The following ZC3H7B variants were observed in gnomAD, a reference collection of about 807,000 sequenced individuals.
ZC3H7B encodes the protein zinc finger CCCH domain-containing protein 7B.
ZC3H7B carries 35 observed loss-of-function variants against 116.0 expected under a neutral mutation model. That is an observed-to-expected ratio of 0.30 (90% CI 0.23 to 0.40). The LOEUF (loss-of-function observed/expected upper bound fraction) is 0.40, where lower values mean the gene tolerates loss of function less well. Ranked by LOEUF, ZC3H7B falls within the 10% of genes least tolerant of loss-of-function variation. The pLI is 1.00. For missense variants in ZC3H7B, 1,011 were observed against 1,321.5 expected, an observed-to-expected ratio of 0.77 and a Z score of 3.64; for synonymous variants, 502 against 545.6, an observed-to-expected ratio of 0.92 and a Z score of 1.11.
At chr22:41,314,855 G>A (rs977805250) in intron 1 of ZC3H7B, among the ~76,000 whole-genome samples, 1 of 140,076 alleles carries the variant, frequency 7.1e-6, no homozygotes, top group African/African-American at 2.6e-5. Context: ...TGATCTGCCC[G>A]CATCGGCCTC....
intron 17 of ZC3H7B, among the ~76,000 whole-genome samples, chr22:41,353,279 G>A (rs557089788): frequency 2.4e-4 from 36 of 152,296 alleles, no homozygotes; most frequent in African/African-American, 8.7e-4. Flanking sequence ...TTAGTGACTT[G>A]CCCAGGGGCA....
intron 7 of ZC3H7B, chr22:41,336,126 G>A (rs1446844855): frequency 6.6e-6 from 1 of 152,408 alleles, no homozygotes; most frequent in Non-Finnish European, 1.5e-5. Context: ...GAGAAAAAGG[G>A]GAGGGTGTTC....
chr22:41,349,358 G>A lies in ZC3H7B; in HGVS notation c.1948+57G>A, dbSNP rs1388693128. Reference sequence around the variant, plus strand: ...GTGACTCAGGTGAGGGGTAGGCGGCGCAGGTGAAGGGAGCGCAGGACTGAC... The same window carrying A: ...GTGACTCAGGTGAGGGGTAGGCGGCACAGGTGAAGGGAGCGCAGGACTGAC... On this transcript the variant is annotated intron_variant, in intron 16 of 22. Transcript: ENST00000352645. This position sits in a 1 kb window ranked among gnomAD's most constrained non-coding sequence, Gnocchi z 4.9. The A allele has an allele frequency of 2.3e-5, 37 of 1,593,236 alleles. No individual in the cohort carries two copies. The highest frequency in any genetic ancestry group is 1.7e-4 in the Middle Eastern group (1 of 5,824).
At position 41,339,124 on chromosome 22, in the gene ZC3H7B, A is replaced by G; in HGVS notation, c.749A>G (p.Asp250Gly). The change falls in exon 9 of 23, where the codon GAC becomes GGC. Residue 250 changes from aspartate to glycine, a missense_variant. Asp to Gly is a moderately conservative substitution (Grantham distance 94). Around this residue, in one of 5 missense-constraint regions of ZC3H7B, gnomAD observed 322 missense variants for 443.9 expected, o/e 0.73. Transcript: ENST00000352645. ...LDSSRTLPST[D>G]SLDDFSDGDV... ...AGCAGCAGGACCCTCCCCAGCACCG[A>G]CAGCCTGGATGACTTCTCAGACGGG... 6.2e-7 allele frequency: 1 copy of G among 1,612,690 alleles called. No homozygotes were observed. Among genetic ancestry groups the G allele is most frequent in the Admixed American group, 1.7e-5 (1 of 59,828 alleles).
rs369066210 is a variant in ZC3H7B at position 41,339,849 on chromosome 22, G to A, written c.850G>A (p.Val284Met). ...CCAGGGTGGCCTGTCTGGCAGCGGCGTGCCTAGTGAGTTGCCCCAGCTGAT... is the reference window on the plus strand; with the variant it reads ...CCAGGGTGGCCTGTCTGGCAGCGGCATGCCTAGTGAGTTGCCCCAGCTGAT... ...LVQGGLSGSGVPSELPQLIPV... is the reference protein window; with the variant it reads ...LVQGGLSGSGMPSELPQLIPV... The change falls in exon 10 of 23, where the codon GTG (valine) becomes ATG (methionine). Residue 284 changes from valine to methionine, a missense_variant. Physicochemically the swap from Val to Met is conservative, Grantham distance 21. This residue lies in a region of ZC3H7B where 322 missense variants were observed against 443.9 expected (regional missense o/e 0.73). Coordinates refer to ENST00000352645, the MANE Select transcript of ZC3H7B (RefSeq NM_017590.6). 5.2e-5 allele frequency: 84 copies of A among 1,610,068 alleles called. 1 individual carries two copies. Among genetic ancestry groups the A allele is most frequent in the Middle Eastern group, 3.3e-4 (2 of 6,060 alleles).
intron 1 of ZC3H7B, among the ~76,000 whole-genome samples, chr22:41,304,919 C>T (rs2036019759): frequency 6.6e-6 from 1 of 152,156 alleles, no homozygotes; most frequent in African/African-American, 2.4e-5. Flanking sequence ...CACCACCTTC[C>T]TCTCAGATAC....
rs767292506 is a variant in ZC3H7B, at chr22:41,327,172, T to C, written c.286-34T>C. 6.2e-7 allele frequency: 1 copy of C among 1,610,138 alleles called. No individual in the cohort carries two copies. Reference sequence around the variant, plus strand: ...GGCCTGGGGGAGGGAGGGTAACAGGTGTTGACCAGTGACCACATGCTCCTC... The same window carrying C: ...GGCCTGGGGGAGGGAGGGTAACAGGCGTTGACCAGTGACCACATGCTCCTC... On this transcript the variant is annotated intron_variant, in intron 4 of 22. Coordinates refer to ENST00000352645, the MANE Select transcript of ZC3H7B (RefSeq NM_017590.6). This position sits in a 1 kb window ranked among gnomAD's most constrained non-coding sequence, Gnocchi z 4.5.
chr22:41,338,309 A>G lies in ZC3H7B; in HGVS notation c.583-4A>G. The G allele has an allele frequency of 5.0e-6, 8 of 1,613,524 alleles. No homozygotes were observed. The South Asian group carries it at 6.6e-5, about 13-fold the overall frequency. ...ACAGCGCCACTGTGGCCCTCTCCCC[A>G]CAGGGAACTTCTAATGGATTGGGGT... On this transcript the variant is annotated splice_region_variant and splice_polypyrimidine_tract_variant and intron_variant, in intron 7 of 22. Coordinates refer to ENST00000352645, the MANE Select transcript of ZC3H7B (RefSeq NM_017590.6). This position sits in a 1 kb window ranked among gnomAD's most constrained non-coding sequence, Gnocchi z 4.5.
Position 41,357,698 on chromosome 22 carries a change from T to A in ZC3H7B, c.*269T>A. 3.8e-6 allele frequency: 2 copies of A among 530,914 alleles called. No individual in the cohort carries two copies. Among genetic ancestry groups the A allele is most frequent in the Non-Finnish European group, 6.8e-6 (2 of 296,250 alleles). The allele number at this position is 530,914 out of a possible 1,614,324, so 32.9% of individuals were successfully genotyped here. A position where few individuals can be genotyped will look rare whatever the true frequency, so the allele number is the denominator to read the frequency against. The stretch of plus-strand genomic sequence containing the variant: ...TCTCCTGGTTGAGGAGGGAGGGGCC[T>A]GGCTGACCCCTCCAGCTTCAGCCTC... On this transcript the variant is annotated 3_prime_UTR_variant, in exon 23 of 23. Coordinates refer to ENST00000352645, the MANE Select transcript of ZC3H7B (RefSeq NM_017590.6). This position sits in a 1 kb window ranked among gnomAD's most constrained non-coding sequence, Gnocchi z 5.4.
At chr22:41,340,180 G>A (rs758824384) in intron 10 of ZC3H7B, 43 bp downstream of exon 10, 1 of 1,547,146 alleles carries the variant, frequency 6.5e-7, no homozygotes, top group Non-Finnish European at 8.7e-7. Context: ...TGGACAGGTT[G>A]CACAGTGCTG....
chr22:41,303,712 G>C (rs529876538), intron 1 of ZC3H7B, among the ~76,000 whole-genome samples: 4 of 152,184 alleles, frequency 2.6e-5, no homozygotes, highest in Non-Finnish European at 5.9e-5. Flanking sequence ...CCCTTTCCCA[G>C]AGTCCTGGGC....
In ZC3H7B at chr22:41,338,298, G is replaced by T; in HGVS notation, c.583-15G>T. On this transcript the variant is annotated splice_polypyrimidine_tract_variant and intron_variant, in intron 7 of 22. Coordinates refer to ENST00000352645, the MANE Select transcript of ZC3H7B (RefSeq NM_017590.6). This position sits in a 1 kb window ranked among gnomAD's most constrained non-coding sequence, Gnocchi z 4.5. ...CCTTCCCAGCCACAGCGCCACTGTG[G>T]CCCTCTCCCCACAGGGAACTTCTAA... 1 of 1,611,668 alleles carries T rather than the reference G, an allele frequency of 6.2e-7. No individual in the cohort carries two copies. Among genetic ancestry groups the T allele is most frequent in the Non-Finnish European group, 8.5e-7 (1 of 1,179,634 alleles).
In ZC3H7B at chr22:41,351,611, A is replaced by G. The variant is rs199555178; in HGVS notation, c.1999A>G (p.Met667Val). Residue 667 changes from methionine to valine, a missense_variant, in exon 17 of 23, where the codon ATG becomes GTG. Physicochemically the swap from Met to Val is conservative, Grantham distance 21. Around this residue, in one of 5 missense-constraint regions of ZC3H7B, gnomAD observed 406 missense variants for 590.2 expected, o/e 0.69. Coordinates refer to ENST00000352645, the MANE Select transcript of ZC3H7B (RefSeq NM_017590.6). This position sits in a 1 kb window ranked among gnomAD's most constrained non-coding sequence, Gnocchi z 5.1. The stretch of plus-strand genomic sequence containing the variant: ...GGAGTCTAAGAAGTACTGGCAGCAG[A>G]TGGAGGCGCATGCGGGGAAGGCCAG... ...VQESKKYWQQ[M>V]EAHAGKASSS... 1.6e-5 allele frequency: 26 copies of G among 1,614,006 alleles called. No homozygotes were observed. Among genetic ancestry groups the G allele is most frequent in the Non-Finnish European group, 2.2e-5 (26 of 1,179,972 alleles).
chr22:41,330,884 G>A (rs1209608902), intron 6 of ZC3H7B, among the ~76,000 whole-genome samples: 4 of 138,724 alleles, frequency 2.9e-5, no homozygotes, highest in Non-Finnish European at 6.1e-5. Flanking sequence ...TTTTTGAGAC[G>A]GACTCTCGCT....
chr22:41,307,233 C>T (rs1476617288), intron 1 of ZC3H7B, among the ~76,000 whole-genome samples: 1 of 152,132 alleles, frequency 6.6e-6, no homozygotes, highest in Non-Finnish European at 1.5e-5. Context: ...GCCTTGGCCT[C>T]CCTACTGCTG....
In ZC3H7B at chr22:41,346,234, C is replaced by G; in HGVS notation, c.1665+26C>G. On this transcript the variant is annotated intron_variant, in intron 14 of 22. Transcript: ENST00000352645. The surrounding 1 kb of genome is among the most constrained non-coding windows in gnomAD (Gnocchi z 5.3). ...GTACTGCCCACCCACCCACTGCCAC[C>G]CCATAGGCCATGGCACAGACAGGGC... The G allele has an allele frequency of 6.2e-7, 1 of 1,603,160 alleles. No homozygotes were observed. The highest frequency in any genetic ancestry group is 1.3e-5 in the African/African-American group (1 of 74,962).
intron 15 of ZC3H7B, among the ~76,000 whole-genome samples, chr22:41,348,651 C>T (rs1381410009): frequency 1.3e-5 from 2 of 152,188 alleles, no homozygotes; most frequent in Admixed American, 6.5e-5. Flanking sequence ...GAGCCCAGGG[C>T]CTGCAGTCAG....
chr22:41,355,636 A>T, intron 18 of ZC3H7B, 34 bp downstream of exon 18: 1 of 1,613,292 alleles, frequency 6.2e-7, no homozygotes, highest in Admixed American at 1.7e-5. Context: ...CTCAGGTGGG[A>T]TGGGGCCACC....
chr22:41,312,493 T>C (rs1341326925), intron 1 of ZC3H7B, among the ~76,000 whole-genome samples: 4 of 151,198 alleles, frequency 2.6e-5, no homozygotes, highest in African/African-American at 4.9e-5. Context: ...TCCCAGCTAC[T>C]TGGGGAGGAT....
Sources: allele counts gnomAD v4.1 joint callset (sites outside exome capture counted in the v4.1 genomes callset), GRCh38; gene constraint gnomAD v4.1.1; regional missense constraint gnomAD v4.1.1; non-coding constraint Gnocchi (gnomAD v3.1); transcripts MANE v1.5; gene names NCBI Gene and HGNC (gene_info 2026-07-23, HGNC 2026-07-21).